GRIN3B: variants seen among roughly 807,000 people sequenced by gnomAD.
GRIN3B encodes glutamate receptor ionotropic, NMDA 3B.
In GRIN3B, 77 loss-of-function variants were observed where a neutral mutation model predicts 66.0. The ratio of observed to expected loss-of-function variants is 1.17; its 90% CI spans 0.97 to 1.41. GRIN3B has a LOEUF of 1.41. Ranked by LOEUF, GRIN3B falls within the 40% of genes most tolerant of loss-of-function variation. The probability of loss-of-function intolerance (pLI) is 0.00; values close to 1 mark genes in which losing one functional copy is unlikely to be tolerated. For synonymous variants in GRIN3B, 823 were observed against 749.7 expected, an observed-to-expected ratio of 1.10 and a Z score of -1.60; for missense variants, 1,787 against 1,564.5, an observed-to-expected ratio of 1.14 and a Z score of -2.40.
chr19:1,008,690 C>T lies in GRIN3B; in HGVS notation c.2539C>T (p.Leu847Phe). The change falls in exon 7 of 9, where the codon CTC becomes TTC. Residue 847 changes from leucine (L) to phenylalanine (F), a missense_variant. By Grantham distance (22) the Leu-to-Phe change is conservative (BLOSUM62 0). Transcript: ENST00000234389. Reference protein sequence around the residue: ...LLCLGLGSALLSSLGEHAFFR... With the variant: ...LLCLGLGSALFSSLGEHAFFR... Reference sequence around the variant, plus strand: ...GTGCCTGGGCCTGGGCAGCGCTCTGCTCAGCTCGCTGGGCGAGCACGCCTT... The same window carrying T: ...GTGCCTGGGCCTGGGCAGCGCTCTGTTCAGCTCGCTGGGCGAGCACGCCTT... 6.2e-7 allele frequency: 1 copy of T among 1,607,018 alleles called. No homozygotes were observed. The highest frequency in any genetic ancestry group is 8.5e-7 in the Non-Finnish European group (1 of 1,179,736).
chr19:1,000,472 C>T lies in GRIN3B; in HGVS notation c.35C>T (p.Ala12Val), dbSNP rs757164134. ...EFVRALWLGLALALGPGSAGG... is the reference protein window; with the variant it reads ...EFVRALWLGLVLALGPGSAGG... ...GTGCGGGCGCTGTGGCTGGGCCTGG[C>T]GCTGGCGCTGGGGCCGGGGTCCGCG... The change falls in exon 1 of 9, where the codon GCG becomes GTG. Residue 12 changes from alanine to valine, a missense_variant. By Grantham distance (64) the Ala-to-Val change is moderately conservative (BLOSUM62 0). Coordinates refer to ENST00000234389, the MANE Select transcript of GRIN3B (RefSeq NM_138690.3). The T allele has an allele frequency of 8.3e-7, 1 of 1,208,806 alleles. No individual in the cohort carries two copies. Among genetic ancestry groups the T allele is most frequent in the Non-Finnish European group, 1.0e-6 (1 of 971,978 alleles). The allele number at this position is 1,208,806 out of a possible 1,614,324, so 74.9% of individuals were successfully genotyped here.
In GRIN3B at chr19:1,007,916, C is replaced by G. The variant is rs2145541352; in HGVS notation, c.2259C>G (p.Val753=). The G allele has an allele frequency of 2.5e-6, 4 of 1,612,108 alleles. No homozygotes were observed. In the South Asian group the frequency reaches 3.3e-5, roughly 13 times the overall value. ...ACAAGTCGCTCCTGGACTACGAGGT[C>G]TCCATCGACGCCGACTGCAAACTGC... ...IMDKSLLDYE[V]SIDADCKLLT... Residue 753 remains valine, a synonymous_variant, in exon 5 of 9, where the codon GTC becomes GTG. Transcript: ENST00000234389. This position sits in a 1 kb window ranked among gnomAD's most constrained non-coding sequence, Gnocchi z 4.4.
chr19:1,007,531 A>G lies in GRIN3B; in HGVS notation c.2053-97A>G, dbSNP rs2038763856. Reference sequence around the variant, plus strand: ...CAGGAATGCAGCCTCGGCGCCCTGCAGTGCCCAGGACGGCCCCACCCCGGA... The same window carrying G: ...CAGGAATGCAGCCTCGGCGCCCTGCGGTGCCCAGGACGGCCCCACCCCGGA... On this transcript the variant is annotated intron_variant, in intron 3 of 8. Transcript: ENST00000234389. This position sits in a 1 kb window ranked among gnomAD's most constrained non-coding sequence, Gnocchi z 4.4. The G allele has an allele frequency of 7.7e-7, 1 of 1,305,596 alleles. No homozygotes were observed. The highest frequency in any genetic ancestry group is 9.8e-7 in the Non-Finnish European group (1 of 1,019,086). 80.9% of individuals were successfully genotyped at this position (1,305,596 alleles called of 1,614,324 possible).
At chr19:1,001,722 C>A (rs1339148262) in intron 1 of GRIN3B, among the ~76,000 whole-genome samples, 3 of 152,042 alleles carry the variant, frequency 2.0e-5, no homozygotes, top group Non-Finnish European at 2.9e-5. Context: ...GAGACCCTGA[C>A]GCTAGAGGGG....
rs1390541383 is a variant in GRIN3B, at chr19:1,003,679, C to G, written c.976C>G (p.Leu326Val). The G allele has an allele frequency of 3.6e-6, 5 of 1,408,006 alleles. No individual in the cohort carries two copies. The highest frequency in any genetic ancestry group is 4.6e-6 in the Non-Finnish European group (5 of 1,088,268). 87.2% of individuals were successfully genotyped at this position (1,408,006 alleles called of 1,614,324 possible). A position where few individuals can be genotyped will look rare whatever the true frequency, so the allele number is the denominator to read the frequency against. The change falls in exon 2 of 9, where the codon CTG (leucine) becomes GTG (valine). Residue 326 changes from leucine (L) to valine (V), a missense_variant. Transcript: ENST00000234389. ...CCCCGCCCCGGTCAACTGCGGGGAC[C>G]TGCAGCCGGCCGGGCCCGAGTCCCC... Reference protein sequence around the residue: ...LLPAPVNCGDLQPAGPESPGR... With the variant: ...LLPAPVNCGDVQPAGPESPGR...
At position 1,005,235 on chromosome 19, in the gene GRIN3B, G is replaced by A. The variant is rs1340132325; in HGVS notation, c.1734G>A (p.Trp578Ter). 6.2e-7 allele frequency: 1 copy of A among 1,613,334 alleles called. No individual in the cohort carries two copies. The highest frequency in any genetic ancestry group is 1.1e-5 in the South Asian group (1 of 91,082). ...AFMWPLHWST[W>*]LGVFAALHLT... The stretch of plus-strand genomic sequence containing the variant: ...TGTGGCCCCTGCACTGGTCCACGTG[G>A]CTGGGCGTCTTTGCGGCCCTGCACC... The change falls in exon 3 of 9, where the codon TGG becomes TGA. Residue 578 changes from tryptophan to a stop codon, truncating the protein, a stop_gained. Coordinates refer to ENST00000234389, the MANE Select transcript of GRIN3B (RefSeq NM_138690.3). LOFTEE classifies it high-confidence loss of function. The surrounding 1 kb of genome is among the most constrained non-coding windows in gnomAD (Gnocchi z 5.2).
chr19:1,009,373 G>A lies in GRIN3B; in HGVS notation c.2903G>A (p.Arg968His), dbSNP rs1429397770. The A allele has an allele frequency of 8.8e-6, 12 of 1,368,914 alleles. No homozygotes were observed. Among genetic ancestry groups the A allele is most frequent in the Middle Eastern group, 5.4e-4 (2 of 3,738 alleles). 84.8% of individuals were successfully genotyped at this position (1,368,914 alleles called of 1,614,324 possible). ...CCCGTCTGGCTGTGCTCCTACGGCC[G>A]CCCGCCCGCCGCAAGGCCCACGGGG... ...EGPVWLCSYG[R>H]PPAARPTGAP... Residue 968 changes from arginine (R) to histidine (H), a missense_variant, in exon 9 of 9, where the codon CGC (arginine) becomes CAC (histidine). Physicochemically the swap from Arg to His is conservative, Grantham distance 29. Coordinates refer to ENST00000234389, the MANE Select transcript of GRIN3B (RefSeq NM_138690.3).
intron 7 of GRIN3B, 32 bp downstream of exon 7, chr19:1,008,814 C>G (rs1270467295): frequency 1.3e-6 from 2 of 1,548,430 alleles, no homozygotes; most frequent in African/African-American, 1.5e-5. Flanking sequence ...GGCGGCCCCA[C>G]CCCCCCCGCC....
At position 1,000,857 on chromosome 19, in the gene GRIN3B, A is replaced by T; in HGVS notation, c.420A>T (p.Gly140=). Residue 140 remains glycine, a synonymous_variant, in exon 1 of 9, where the codon GGA becomes GGT. Coordinates refer to ENST00000234389, the MANE Select transcript of GRIN3B (RefSeq NM_138690.3). ...GGCGGGAGGCGCGCGCGCCCCTCGG[A>T]GCCCCGGTACGCGGGACGCCCGGAG... ...LLRREARAPL[G]APNPFHLQLH... is the part of the protein sequence containing the mutation. 1.4e-6 allele frequency: 2 copies of T among 1,408,288 alleles called. No homozygotes were observed. The highest frequency in any genetic ancestry group is 2.9e-5 in the South Asian group (2 of 68,988). 87.2% of individuals were successfully genotyped at this position (1,408,288 alleles called of 1,614,324 possible). A position where few individuals can be genotyped will look rare whatever the true frequency, so the allele number is the denominator to read the frequency against.
rs754582044 is a variant in GRIN3B at position 1,009,482 on chromosome 19, C to A, written c.3012C>A (p.Arg1004=). 14 of 1,490,232 alleles carry A rather than the reference C, an allele frequency of 9.4e-6. No individual in the cohort carries two copies. Among genetic ancestry groups the A allele is most frequent in the South Asian group, 8.9e-5 (7 of 78,858 alleles). 92.3% of individuals were successfully genotyped at this position (1,490,232 alleles called of 1,614,324 possible). ...RERLRQALVR[R]GQLLAQLGDS... is the part of the protein sequence containing the mutation. ...GGCTCCGCCAGGCCCTGGTGCGGCG[C>A]GGCCAGCTCCTGGCACAGCTCGGGG... Residue 1004 remains arginine, a synonymous_variant, in exon 9 of 9, where the codon CGC becomes CGA. Transcript: ENST00000234389.
At position 1,009,665 on chromosome 19, in the gene GRIN3B, A is replaced by T. The variant is rs1417428831; in HGVS notation, c.*63A>T. The stretch of plus-strand genomic sequence containing the variant: ...CAGCGCAGTGAGCCGCTGTCAACAG[A>T]CAGTTTATTCTATATACAAACACAA... On this transcript the variant is annotated 3_prime_UTR_variant, in exon 9 of 9. Coordinates refer to ENST00000234389, the MANE Select transcript of GRIN3B (RefSeq NM_138690.3). The T allele has an allele frequency of 2.9e-5, 37 of 1,268,384 alleles. No individual in the cohort carries two copies. Among genetic ancestry groups the T allele is most frequent in the Non-Finnish European group, 3.7e-5 (36 of 980,486 alleles). The allele number at this position is 1,268,384 out of a possible 1,614,324, so 78.6% of individuals were successfully genotyped here.
In GRIN3B at chr19:1,005,367, G is replaced by A. The variant is rs1397969861; in HGVS notation, c.1866G>A (p.Leu622=). 1.2e-6 allele frequency: 2 copies of A among 1,613,698 alleles called. No individual in the cohort carries two copies. Among genetic ancestry groups the A allele is most frequent in the South Asian group, 1.1e-5 (1 of 91,084 alleles). Residue 622 remains leucine, a synonymous_variant, in exon 3 of 9, where the codon CTG becomes CTA. Transcript: ENST00000234389. The surrounding 1 kb of genome is among the most constrained non-coding windows in gnomAD (Gnocchi z 5.2). Reference sequence around the variant, plus strand: ...TCTCCTACTCCTCAGCCCTCAACCTGTGCTACGCCATCCTCTTCAGACGCA... The same window carrying A: ...TCTCCTACTCCTCAGCCCTCAACCTATGCTACGCCATCCTCTTCAGACGCA... ...TVFSYSSALN[L]CYAILFRRTV...
Position 1,007,633 on chromosome 19 carries a change from C to T in GRIN3B, c.2058C>T (p.His686=). The T allele has an allele frequency of 6.6e-7, 1 of 1,508,162 alleles. No homozygotes were observed. Among genetic ancestry groups the T allele is most frequent in the Non-Finnish European group, 8.8e-7 (1 of 1,131,638 alleles). The allele number at this position is 1,508,162 out of a possible 1,614,324, so 93.4% of individuals were successfully genotyped here. ...TGACGGGGTCCCCCGCGCAGCTGCACCACCCGGCGCAGGGCTTCCGCTTCG... is the reference window on the plus strand; with the variant it reads ...TGACGGGGTCCCCCGCGCAGCTGCATCACCCGGCGCAGGGCTTCCGCTTCG... ...ELSGIHDPKL[H]HPAQGFRFGT... Residue 686 remains histidine (H), a synonymous_variant, in exon 4 of 9, where the codon CAC becomes CAT. Transcript: ENST00000234389. This position sits in a 1 kb window ranked among gnomAD's most constrained non-coding sequence, Gnocchi z 4.4.
At chr19:1,002,363 CAAAAAA>C (rs71335327) in intron 1 of GRIN3B, among the ~76,000 whole-genome samples, 49 of 74,688 alleles carry the variant, frequency 6.6e-4, no homozygotes, top group African/African-American at 2.7e-3. Context: ...ACTAAAAATA[CAAAAAA>C]AAAAAAAAAA....
At position 1,009,325 on chromosome 19, in the gene GRIN3B, CG is replaced by C. The variant is rs2038812801; in HGVS notation, c.2857del (p.Glu953ArgfsTer132). On this transcript the variant is annotated frameshift_variant, in exon 9 of 9. Transcript: ENST00000234389. LOFTEE classifies it low-confidence loss of function (END_TRUNC). ...GTGGCACCCGAAGCGGACGCGGAGGCGGAGGCTGCGCCGCGAGAGGGCCCCG... is the reference window on the plus strand; with the variant it reads ...GTGGCACCCGAAGCGGACGCGGAGGCGAGGCTGCGCCGCGAGAGGGCCCCG... The part of the protein sequence containing the change: ...VVVAPEADAE[A>X]EAAPREGPVW... 2.1e-6 allele frequency: 3 copies of C among 1,401,038 alleles called. No individual in the cohort carries two copies. The East Asian group carries it at 9.0e-5, about 42-fold the overall frequency. The allele number at this position is 1,401,038 out of a possible 1,614,324, so 86.8% of individuals were successfully genotyped here. A position where few individuals can be genotyped will look rare whatever the true frequency, so the allele number is the denominator to read the frequency against.
At position 1,004,578 on chromosome 19, in the gene GRIN3B, C is replaced by T. The variant is rs2038720214; in HGVS notation, c.1077C>T (p.Ser359=). 5 of 1,609,762 alleles carry T rather than the reference C, an allele frequency of 3.1e-6. No individual in the cohort carries two copies. Among genetic ancestry groups the T allele is most frequent in the Non-Finnish European group, 4.2e-6 (5 of 1,178,838 alleles). Residue 359 remains serine, a synonymous_variant, in exon 3 of 9, where the codon AGC becomes AGT. Transcript: ENST00000234389. ...CGGGCCCCGTGTGGGTGACAGGCAG[C>T]TCCCAGGTACACATGTCTCGGCACT... ...GRTGPVWVTG[S]SQVHMSRHFK...
At position 1,008,875 on chromosome 19, in the gene GRIN3B, A is replaced by G. The variant is rs1313931708; in HGVS notation, c.2650A>G (p.Asn884Asp). 6 of 1,609,464 alleles carry G rather than the reference A, an allele frequency of 3.7e-6. No individual in the cohort carries two copies. Among genetic ancestry groups the G allele is most frequent in the Non-Finnish European group, 5.1e-6 (6 of 1,178,462 alleles). Residue 884 changes from asparagine to aspartate, a missense_variant, in exon 8 of 9, where the codon AAC (asparagine) becomes GAC (aspartate). Physicochemically the swap from Asn to Asp is conservative, Grantham distance 23. Coordinates refer to ENST00000234389, the MANE Select transcript of GRIN3B (RefSeq NM_138690.3). ...GTCTTAGAAAATCCACCGCGCCCTC[A>G]ACACGGAGCCACCAGAGGGGTCGAA... ...HTSQKIHRAL[N>D]TEPPEGSKEE... is the part of the protein sequence containing the mutation.
Position 1,005,076 on chromosome 19 carries a change from C to A in GRIN3B, c.1575C>A (p.Ala525=). The part of the protein sequence containing the change: ...GLVGDLLAGR[A]HMAVTSFSIN... ...TCGGGGACCTGCTGGCCGGCCGGGCCCACATGGCGGTCACCAGCTTCAGTA... is the reference window on the plus strand; with the variant it reads ...TCGGGGACCTGCTGGCCGGCCGGGCACACATGGCGGTCACCAGCTTCAGTA... The change falls in exon 3 of 9, where the codon GCC becomes GCA. Residue 525 remains alanine, a synonymous_variant. Coordinates refer to ENST00000234389, the MANE Select transcript of GRIN3B (RefSeq NM_138690.3). The surrounding 1 kb of genome is among the most constrained non-coding windows in gnomAD (Gnocchi z 5.2). 1 of 1,611,700 alleles carries A rather than the reference C, an allele frequency of 6.2e-7. No individual in the cohort carries two copies. The highest frequency in any genetic ancestry group is 8.5e-7 in the Non-Finnish European group (1 of 1,179,124).
Position 1,007,695 on chromosome 19 carries a change from A to G in GRIN3B, c.2120A>G (p.Lys707Arg). The G allele has an allele frequency of 1.3e-6, 2 of 1,537,670 alleles. No homozygotes were observed. Among genetic ancestry groups the G allele is most frequent in the Non-Finnish European group, 1.7e-6 (2 of 1,143,122 alleles). Residue 707 changes from lysine to arginine, a missense_variant, in exon 4 of 9, where the codon AAG (lysine) becomes AGG (arginine). Transcript: ENST00000234389. This position sits in a 1 kb window ranked among gnomAD's most constrained non-coding sequence, Gnocchi z 4.4. ...GAGAGCAGCGCCGAGGCGTACATCA[A>G]GAAGAGCTTCCCCGACATGCACGCA... ...VWESSAEAYIKKSFPDMHAHM... is the reference protein window; with the variant it reads ...VWESSAEAYIRKSFPDMHAHM...
Sources: gnomAD v4.1 joint callset for allele counts (sites outside exome capture counted in the v4.1 genomes callset) on GRCh38, gnomAD v4.1.1 for gene constraint, Gnocchi (gnomAD v3.1) non-coding constraint, MANE v1.5 for transcripts, NCBI Gene and HGNC (gene_info 2026-07-23, HGNC 2026-07-21) for gene names.